The following ASB18 variants were observed in gnomAD, a reference collection of about 807,000 sequenced individuals.
ASB18 encodes the protein ankyrin repeat and SOCS box containing 18.
In ASB18, 33 loss-of-function variants were observed where a neutral mutation model predicts 33.4. The ratio of observed to expected loss-of-function variants is 0.99; its 90% CI spans 0.75 to 1.32. ASB18 has a LOEUF of 1.32. ASB18 is among the 40% of genes most tolerant of loss of function. The pLI is 0.00. For missense variants in ASB18, 694 were observed against 655.5 expected (o/e 1.06, Z -0.64); for synonymous variants, 295 against 307.6 (o/e 0.96, Z 0.43).
At chr2:236,242,844 C>A (rs1299902314) in intron 1 of ASB18, among the ~76,000 whole-genome samples, 2 of 138,012 alleles carry the variant, frequency 1.4e-5, no homozygotes, top group Non-Finnish European at 1.5e-5. Context: ...TAGCAAGGGT[C>A]CCCCCATCTC....
rs945153253 is a variant in ASB18, at chr2:236,255,952, G to A, written c.205+8189C>T. Reference sequence around the variant, plus strand: ...AACATGCTCCTGTTTCGAGGGTCAAGTCAGAGGATTTCTACAGTGTTCTCC... The same window carrying A: ...AACATGCTCCTGTTTCGAGGGTCAAATCAGAGGATTTCTACAGTGTTCTCC... On this transcript the variant is annotated intron_variant, in intron 1 of 5. Coordinates refer to ENST00000409749, the MANE Select transcript of ASB18 (RefSeq NM_212556.4). The surrounding 1 kb of genome is among the most constrained non-coding windows in gnomAD (Gnocchi z 4.4). Among the ~76,000 whole-genome samples, 2 of 152,182 alleles carry A rather than the reference G, an allele frequency of 1.3e-5. No homozygotes were observed. Among genetic ancestry groups the A allele is most frequent in the South Asian group, 2.1e-4 (1 of 4,822 alleles).
In ASB18 at chr2:236,219,897, C is replaced by T. The variant is rs2060503266; in HGVS notation, c.597-5031G>A. On this transcript the variant is annotated intron_variant, in intron 3 of 5. Transcript: ENST00000409749. The surrounding 1 kb of genome is among the most constrained non-coding windows in gnomAD (Gnocchi z 6.4). ...TGGGATCTAAGGGTAGAATTCCCATCTGAGGATGTCAGAACAACTTTGTCT... is the reference window on the plus strand; with the variant it reads ...TGGGATCTAAGGGTAGAATTCCCATTTGAGGATGTCAGAACAACTTTGTCT... 6.6e-6 allele frequency among the ~76,000 whole-genome samples: 1 copy of T among 152,168 alleles called. No individual in the cohort carries two copies. Among genetic ancestry groups the T allele is most frequent in the African/African-American group, 2.4e-5 (1 of 41,430 alleles).
Position 236,214,813 on chromosome 2 carries a change from G to A in ASB18, c.650C>T (p.Thr217Met). Residue 217 changes from threonine (T) to methionine (M), a missense_variant, in exon 4 of 6, where the codon ACG becomes ATG. Physicochemically the swap from Thr to Met is moderately conservative, Grantham distance 81. Transcript: ENST00000409749. The surrounding 1 kb of genome is among the most constrained non-coding windows in gnomAD (Gnocchi z 6.5). Reference sequence around the variant, plus strand: ...CACGTGCAGCGGCGTGTCCCGGCCCGTGCCGCCCACGCGCTGCACCGAGGC... The same window carrying A: ...CACGTGCAGCGGCGTGTCCCGGCCCATGCCGCCCACGCGCTGCACCGAGGC... ...HGASVQRVGGTGRDTPLHVAA... is the reference protein window; with the variant it reads ...HGASVQRVGGMGRDTPLHVAA... 8.2e-7 allele frequency: 1 copy of A among 1,212,544 alleles called. No individual in the cohort carries two copies. Among genetic ancestry groups the A allele is most frequent in the Non-Finnish European group, 1.0e-6 (1 of 975,084 alleles). The allele number at this position is 1,212,544 out of a possible 1,614,324, so 75.1% of individuals were successfully genotyped here.
At position 236,216,083 on chromosome 2, in the gene ASB18, T is replaced by A. The variant is rs994235614; in HGVS notation, c.597-1217A>T. Among the ~76,000 whole-genome samples, 1 of 152,188 alleles carries A rather than the reference T, an allele frequency of 6.6e-6. No homozygotes were observed. Among genetic ancestry groups the A allele is most frequent in the Non-Finnish European group, 1.5e-5 (1 of 68,028 alleles). ...GGACCATGGCCATCCCCTACTCAAATGGCCGAATCTTCAAGCCGGAGTCCA... is the reference window on the plus strand; with the variant it reads ...GGACCATGGCCATCCCCTACTCAAAAGGCCGAATCTTCAAGCCGGAGTCCA... On this transcript the variant is annotated intron_variant, in intron 3 of 5. Transcript: ENST00000409749. This position sits in a 1 kb window ranked among gnomAD's most constrained non-coding sequence, Gnocchi z 6.1.
At chr2:236,218,569 C>A (rs1387677279) in intron 3 of ASB18, among the ~76,000 whole-genome samples, 4 of 152,064 alleles carry the variant, frequency 2.6e-5, no homozygotes, top group Non-Finnish European at 4.4e-5. Flanking sequence ...GAGGCCAAGG[C>A]CGGCGGATTG....
rs921543436 is a variant in ASB18, at chr2:236,219,262, G to A, written c.597-4396C>T. ...GCTTGTTTCCTTTTTGCCTGCATGC[G>A]TTTTTCAAGTTATCCAAAATAAGTC... On this transcript the variant is annotated intron_variant, in intron 3 of 5. Coordinates refer to ENST00000409749, the MANE Select transcript of ASB18 (RefSeq NM_212556.4). This position sits in a 1 kb window ranked among gnomAD's most constrained non-coding sequence, Gnocchi z 6.4. Among the ~76,000 whole-genome samples the A allele has an allele frequency of 3.9e-5, 6 of 152,080 alleles. No individual in the cohort carries two copies. The highest frequency in any genetic ancestry group is 4.2e-4 in the South Asian group (2 of 4,816).
At chr2:236,240,991 G>A (rs543886745) in intron 2 of ASB18, among the ~76,000 whole-genome samples, 9 of 152,202 alleles carry the variant, frequency 5.9e-5, no homozygotes, top group South Asian at 2.1e-4. Flanking sequence ...ATGCAGGCAC[G>A]GGCAGCTCCA....
chr2:236,212,531 A>C lies in ASB18; in HGVS notation c.1101+1831T>G, dbSNP rs2060463669. Among the ~76,000 whole-genome samples the C allele has an allele frequency of 2.0e-5, 3 of 152,218 alleles. No homozygotes were observed. The South Asian group carries it at 6.2e-4, about 32-fold the overall frequency. On this transcript the variant is annotated intron_variant, in intron 4 of 5. Coordinates refer to ENST00000409749, the MANE Select transcript of ASB18 (RefSeq NM_212556.4). ...GACTCCTTTTTTTTTCTTTAAAATA[A>C]ATTGCCCCATTCTTCCCTGAATAAG...
intron 3 of ASB18, among the ~76,000 whole-genome samples, chr2:236,236,999 G>T (rs779363178): frequency 6.6e-6 from 1 of 152,118 alleles, no homozygotes; most frequent in Non-Finnish European, 1.5e-5. Context: ...CGGAGCACAC[G>T]CTGGGAGGGC....
rs763144257 is a variant in ASB18 at position 236,259,914 on chromosome 2, C to T, written c.205+4227G>A. On this transcript the variant is annotated intron_variant, in intron 1 of 5. Coordinates refer to ENST00000409749, the MANE Select transcript of ASB18 (RefSeq NM_212556.4). This position sits in a 1 kb window ranked among gnomAD's most constrained non-coding sequence, Gnocchi z 4.4. Reference sequence around the variant, plus strand: ...GCACCAAGGTGGGGGCACATGTTCACCTGAGGGACTTCTCCAGAAAAAGCC... The same window carrying T: ...GCACCAAGGTGGGGGCACATGTTCATCTGAGGGACTTCTCCAGAAAAAGCC... 6.6e-6 allele frequency among the ~76,000 whole-genome samples: 1 copy of T among 152,240 alleles called. No homozygotes were observed. Among genetic ancestry groups the T allele is most frequent in the Non-Finnish European group, 1.5e-5 (1 of 68,044 alleles).
At chr2:236,230,134 T>C (rs13405765) in intron 3 of ASB18, among the ~76,000 whole-genome samples, 1,961 of 151,966 alleles carry the variant, frequency 0.013, 42 homozygotes, top group African/African-American at 0.045. Context: ...AAAAAGGGGA[T>C]AGTAGATTTC....
At chr2:236,218,425 G>A (rs1005754805) in intron 3 of ASB18, among the ~76,000 whole-genome samples, 3 of 152,160 alleles carry the variant, frequency 2.0e-5, no homozygotes, top group African/African-American at 7.2e-5. Flanking sequence ...CAGTGGATGT[G>A]AACAGATCAG....
rs796972282 is a variant in ASB18, at chr2:236,203,895, C to CCAACCAAT, written c.1102-7511_1102-7510insATTGGTTG. Among the ~76,000 whole-genome samples, 12 of 152,018 alleles carry CCAACCAAT rather than the reference C, an allele frequency of 7.9e-5. No homozygotes were observed. Among genetic ancestry groups the CCAACCAAT allele is most frequent in the African/African-American group, 2.7e-4 (11 of 41,472 alleles). On this transcript the variant is annotated intron_variant, in intron 4 of 5. Transcript: ENST00000409749. This position sits in a 1 kb window ranked among gnomAD's most constrained non-coding sequence, Gnocchi z 6.0. ...AACCAAACCAAACCAAACCAACCAACCAACCAACCAACCAACCAAACAAGG... is the reference window on the plus strand; with the variant it reads ...AACCAAACCAAACCAAACCAACCAACCAACCAATCAACCAACCAACCAACCAAACAAGG...
At chr2:236,202,074 C>T (rs1037373781) in intron 4 of ASB18, among the ~76,000 whole-genome samples, 5 of 151,978 alleles carry the variant, frequency 3.3e-5, no homozygotes, top group Admixed American at 1.3e-4. Flanking sequence ...CTCAGCCTCC[C>T]GAGTAGCTGG....
rs1447730320 is a variant in ASB18 at position 236,216,121 on chromosome 2, C to A, written c.597-1255G>T. Among the ~76,000 whole-genome samples, 5 of 152,216 alleles carry A rather than the reference C, an allele frequency of 3.3e-5. No homozygotes were observed. The highest frequency in any genetic ancestry group is 1.2e-4 in the African/African-American group (5 of 41,454). Reference sequence around the variant, plus strand: ...AAGCCGGAGTCCATTCTTCACCCCCCTCCTTTTCTCTGCGGGTCTGCCGAG... The same window carrying A: ...AAGCCGGAGTCCATTCTTCACCCCCATCCTTTTCTCTGCGGGTCTGCCGAG... On this transcript the variant is annotated intron_variant, in intron 3 of 5. Coordinates refer to ENST00000409749, the MANE Select transcript of ASB18 (RefSeq NM_212556.4). The surrounding 1 kb of genome is among the most constrained non-coding windows in gnomAD (Gnocchi z 6.1).
chr2:236,193,980 G>A lies in ASB18; in HGVS notation c.*892C>T, dbSNP rs987460723. On this transcript the variant is annotated 3_prime_UTR_variant, in exon 6 of 6. Transcript: ENST00000409749. The surrounding 1 kb of genome is among the most constrained non-coding windows in gnomAD (Gnocchi z 5.0). ...GCACCCTGCGATGGAATAGCACCCC[G>A]TCCAGGCCTGGTTCCTGCCCTGCAC... Among the ~76,000 whole-genome samples the A allele has an allele frequency of 5.9e-5, 9 of 152,150 alleles. No individual in the cohort carries two copies. The highest frequency in any genetic ancestry group is 1.9e-4 in the East Asian group (1 of 5,198).
rs922158800 is a variant in ASB18, at chr2:236,208,883, C to A, written c.1101+5479G>T. 6.6e-6 allele frequency among the ~76,000 whole-genome samples: 1 copy of A among 152,176 alleles called. No homozygotes were observed. The highest frequency in any genetic ancestry group is 1.5e-5 in the Non-Finnish European group (1 of 68,036). ...CATGCTGATGTCATTAGTGTCCACGCACACCACACTCTCTTCAGCTAATGA... is the reference window on the plus strand; with the variant it reads ...CATGCTGATGTCATTAGTGTCCACGAACACCACACTCTCTTCAGCTAATGA... On this transcript the variant is annotated intron_variant, in intron 4 of 5. Transcript: ENST00000409749. This position sits in a 1 kb window ranked among gnomAD's most constrained non-coding sequence, Gnocchi z 7.7.
chr2:236,194,780 C>G lies in ASB18; in HGVS notation c.*92G>C. 1 of 1,131,484 alleles carries G rather than the reference C, an allele frequency of 8.8e-7. No individual in the cohort carries two copies. Among genetic ancestry groups the G allele is most frequent in the East Asian group, 2.7e-5 (1 of 37,532 alleles). 70.1% of individuals were successfully genotyped at this position (1,131,484 alleles called of 1,614,324 possible). A position where few individuals can be genotyped will look rare whatever the true frequency, so the allele number is the denominator to read the frequency against. ...GAGCAAGTGGGAAGGGAACTCCCAT[C>G]ACCTCCATCTGCATCAGGGCACTCT... is the stretch of plus-strand genomic sequence containing the variant. On this transcript the variant is annotated 3_prime_UTR_variant, in exon 6 of 6. Transcript: ENST00000409749. The surrounding 1 kb of genome is among the most constrained non-coding windows in gnomAD (Gnocchi z 4.5).
chr2:236,233,007 A>G (rs1175059463), intron 3 of ASB18, among the ~76,000 whole-genome samples: 2 of 152,116 alleles, frequency 1.3e-5, no homozygotes, highest in Non-Finnish European at 2.9e-5. Context: ...ACTACAGACC[A>G]ATATCTTTCA....
Sources: allele counts gnomAD v4.1 joint callset (sites outside exome capture counted in the v4.1 genomes callset), GRCh38; gene constraint gnomAD v4.1.1; non-coding constraint Gnocchi (gnomAD v3.1); transcripts MANE v1.5; gene names NCBI Gene and HGNC (gene_info 2026-07-23, HGNC 2026-07-21).